EXOC6B: variants seen among roughly 807,000 people sequenced by gnomAD.
EXOC6B encodes SEC15 homolog B.
In EXOC6B, 54 loss-of-function variants were observed where a neutral mutation model predicts 113.5. The observed-to-expected ratio is 0.48, with a 90% confidence interval of 0.38 to 0.60. The LOEUF (loss-of-function observed/expected upper bound fraction) is 0.60. Ranked by LOEUF, EXOC6B falls within the 20% of genes least tolerant of loss-of-function variation. EXOC6B has a pLI of 0.00. For synonymous variants in EXOC6B, 357 were observed against 339.0 expected, an observed-to-expected ratio of 1.05 and a Z score of -0.58; for missense variants, 797 against 977.5, an observed-to-expected ratio of 0.82 and a Z score of 2.46.
At chr2:72,331,381 T>A (rs1688411599) in intron 20 of EXOC6B, among the ~76,000 whole-genome samples, 1 of 152,122 alleles carries the variant, frequency 6.6e-6, no homozygotes, top group Admixed American at 6.6e-5. Flanking sequence ...AAGAAAAATA[T>A]AAGCCATGCC....
chr2:72,263,011 T>C lies in EXOC6B; in HGVS notation c.2196+71936A>G, dbSNP rs1410568134. Among the ~76,000 whole-genome samples, 3 of 152,164 alleles carry C rather than the reference T, an allele frequency of 2.0e-5. No individual in the cohort carries two copies. The East Asian group carries it at 5.8e-4, about 29-fold the overall frequency. ...TGAAGATTTTCCTCTGAAAGCAAGA[T>C]CCAAAGTTGGGGGGGACAATTTAGA... On this transcript the variant is annotated intron_variant, in intron 20 of 21. Coordinates refer to ENST00000272427, the MANE Select transcript of EXOC6B (RefSeq NM_015189.3).
At chr2:72,415,660 C>T (rs968916241) in intron 18 of EXOC6B, among the ~76,000 whole-genome samples, 2 of 151,896 alleles carry the variant, frequency 1.3e-5, no homozygotes, top group African/African-American at 4.8e-5. Context: ...CTGAATAACA[C>T]TGTTGATGGA....
chr2:72,297,443 C>G (rs1450555560), intron 20 of EXOC6B, among the ~76,000 whole-genome samples: 1 of 152,118 alleles, frequency 6.6e-6, no homozygotes, highest in African/African-American at 2.4e-5. Context: ...GTGTTCCCAT[C>G]ATTTAGCTCC....
At chr2:72,238,223 G>A (rs1364725423) in intron 20 of EXOC6B, among the ~76,000 whole-genome samples, 2 of 152,138 alleles carry the variant, frequency 1.3e-5, no homozygotes, top group African/African-American at 2.4e-5. Context: ...GCTCATTCAT[G>A]TTGTGGCACA....
intron 20 of EXOC6B, among the ~76,000 whole-genome samples, chr2:72,205,508 T>A (rs1679785838): frequency 6.6e-6 from 1 of 152,150 alleles, no homozygotes; most frequent in Non-Finnish European, 1.5e-5. Context: ...ATGCTCTATT[T>A]AATCCAAAAC....
intron 6 of EXOC6B, among the ~76,000 whole-genome samples, chr2:72,653,607 C>CA (rs1553460773): frequency 2.1e-5 from 3 of 144,030 alleles, no homozygotes; most frequent in African/African-American, 8.3e-5. Context: ...AACCCCCCCC[C>CA]AAAAAGAAAG....
Position 72,538,665 on chromosome 2 carries a change from ACT to A in EXOC6B, c.915+20786_915+20787del, listed in dbSNP as rs145931821. Among the ~76,000 whole-genome samples, 729 of 152,296 alleles carry A rather than the reference ACT, an allele frequency of 4.8e-3. 9 individuals are homozygous for A. Among genetic ancestry groups the A allele is most frequent in the African/African-American group, 0.016 (676 of 41,568 alleles). On this transcript the variant is annotated intron_variant, in intron 8 of 21. Coordinates refer to ENST00000272427, the MANE Select transcript of EXOC6B (RefSeq NM_015189.3). ...CCAGTCTAAACCACACAGAAGAGAA[ACT>A]CTGTCCAAAGCCATAACAATAAACC...
chr2:72,725,606 G>A (rs1418643153), intron 5 of EXOC6B, among the ~76,000 whole-genome samples: 1 of 152,066 alleles, frequency 6.6e-6, no homozygotes, highest in African/African-American at 2.4e-5. Context: ...TAGCCAGGCT[G>A]GTCTCAAACT....
chr2:72,590,059 C>T (rs765949791), intron 6 of EXOC6B, among the ~76,000 whole-genome samples: 3 of 151,972 alleles, frequency 2.0e-5, no homozygotes, highest in East Asian at 1.9e-4. Context: ...CAGGACATAA[C>T]GTCTCCTATC....
At chr2:72,248,390 T>C (rs1186635328) in intron 20 of EXOC6B, among the ~76,000 whole-genome samples, 1 of 152,188 alleles carries the variant, frequency 6.6e-6, no homozygotes, top group East Asian at 1.9e-4. Flanking sequence ...TCTGGATTCG[T>C]AAAACTGTAA....
At chr2:72,371,091 G>T in intron 19 of EXOC6B, among the ~76,000 whole-genome samples, 1 of 151,914 alleles carries the variant, frequency 6.6e-6, no homozygotes. Flanking sequence ...TCTGTCATGT[G>T]TCTTGGATAC....
chr2:72,404,650 G>A (rs980374493), intron 18 of EXOC6B, among the ~76,000 whole-genome samples: 7 of 152,162 alleles, frequency 4.6e-5, no homozygotes, highest in Non-Finnish European at 8.8e-5. Context: ...TGAGGGTCCC[G>A]ACTGTTAGAA....
chr2:72,231,845 A>C (rs1477282397), intron 20 of EXOC6B, among the ~76,000 whole-genome samples: 1 of 152,226 alleles, frequency 6.6e-6, no homozygotes, highest in African/African-American at 2.4e-5. Flanking sequence ...AAATTAGTTC[A>C]GCCATTGTGG....
intron 3 of EXOC6B, among the ~76,000 whole-genome samples, chr2:72,732,068 A>C (rs1381291582): frequency 1.3e-5 from 2 of 152,214 alleles, no homozygotes; most frequent in Admixed American, 6.5e-5. Flanking sequence ...TGAGGATCAA[A>C]TGAGCAAATA....
chr2:72,207,562 T>C (rs866369194), intron 20 of EXOC6B, among the ~76,000 whole-genome samples: 1 of 152,202 alleles, frequency 6.6e-6, no homozygotes, highest in Non-Finnish European at 1.5e-5. Flanking sequence ...ATGGTGATAA[T>C]TGATGATAAG....
intron 8 of EXOC6B, among the ~76,000 whole-genome samples, chr2:72,526,326 C>CA (rs1374267247): frequency 7.5e-4 from 109 of 145,272 alleles, no homozygotes; most frequent in East Asian, 1.6e-3. Flanking sequence ...AGATTTTATA[C>CA]AAAAAAAAAA....
intron 20 of EXOC6B, among the ~76,000 whole-genome samples, chr2:72,251,976 T>C (rs1559060989): frequency 6.6e-6 from 1 of 152,292 alleles, no homozygotes; most frequent in East Asian, 1.9e-4. Flanking sequence ...GAACAATCCT[T>C]GTCCCATCAT....
chr2:72,328,106 G>A (rs903231744), intron 20 of EXOC6B, among the ~76,000 whole-genome samples: 3 of 151,976 alleles, frequency 2.0e-5, no homozygotes, highest in Non-Finnish European at 4.4e-5. Context: ...CCATACTTAG[G>A]AATAGGAATT....
intron 8 of EXOC6B, among the ~76,000 whole-genome samples, chr2:72,536,103 G>GTTCAAGATA (rs1162979176): frequency 6.6e-6 from 1 of 152,094 alleles, no homozygotes; most frequent in Non-Finnish European, 1.5e-5. Context: ...TGTTCCCTCA[G>GTTCAAGATA]TTCAAGATAC....
Sources: gnomAD v4.1 joint callset for allele counts (sites outside exome capture counted in the v4.1 genomes callset) on GRCh38, gnomAD v4.1.1 for gene constraint, MANE v1.5 for transcripts, NCBI Gene and HGNC (gene_info 2026-07-23, HGNC 2026-07-21) for gene names.